DNAH9: variants seen among roughly 807,000 people sequenced by gnomAD.
DNAH9 encodes dynein axonemal heavy chain 9, also known as DNAH9 variant protein.
A neutral mutation model predicts 471.6 loss-of-function variants in DNAH9; 345 were observed. The observed-to-expected ratio is 0.73, with a 90% confidence interval of 0.67 to 0.80. The LOEUF (loss-of-function observed/expected upper bound fraction) is 0.80. Among genes scored for constraint, DNAH9 ranks in the 30% least tolerant of loss-of-function variants. The pLI is 0.00. For synonymous variants in DNAH9, 2,093 were observed against 2,123.6 expected, an observed-to-expected ratio of 0.99 and a Z score of 0.40; for missense variants, 5,407 against 5,609.2, an observed-to-expected ratio of 0.96 and a Z score of 1.15.
chr17:11,869,280 C>A (rs751373207), intron 51 of DNAH9, 27 bp downstream of exon 51: 1 of 1,609,494 alleles, frequency 6.2e-7, no homozygotes, highest in Admixed American at 1.7e-5. Context: ...GCAGCCCGAG[C>A]TGTAATTATA....
intron 7 of DNAH9, among the ~76,000 whole-genome samples, chr17:11,630,866 G>A (rs1341269634): frequency 1.3e-5 from 2 of 152,174 alleles, no homozygotes; most frequent in African/African-American, 4.8e-5. Flanking sequence ...ATTTCACAGT[G>A]TATACATGTA....
chr17:11,724,344 C>T (rs2075116009), intron 27 of DNAH9, among the ~76,000 whole-genome samples: 2 of 152,264 alleles, frequency 1.3e-5, no homozygotes, highest in South Asian at 4.1e-4. Context: ...TTTTCTCCTT[C>T]CCAGCCTCTG....
intron 7 of DNAH9, 48 bp downstream of exon 7, chr17:11,629,632 GC>G: frequency 6.4e-7 from 1 of 1,563,380 alleles, no homozygotes. Flanking sequence ...TGTCCCGGAT[GC>G]CTCTCATCTG....
chr17:11,796,002 C>T (rs1969224898), intron 42 of DNAH9, among the ~76,000 whole-genome samples: 1 of 152,200 alleles, frequency 6.6e-6, no homozygotes, highest in South Asian at 2.1e-4. Flanking sequence ...TTCTCTGATT[C>T]ATGGCCCTGT....
chr17:11,904,657 AGAAT>A (rs1973527196), intron 60 of DNAH9, among the ~76,000 whole-genome samples: 1 of 149,490 alleles, frequency 6.7e-6, no homozygotes, highest in East Asian at 2.0e-4. Context: ...AAAAAAAAAA[AGAAT>A]GGGGAAGGAA....
chr17:11,904,397 G>A (rs186602344), intron 60 of DNAH9, among the ~76,000 whole-genome samples: 3 of 152,134 alleles, frequency 2.0e-5, no homozygotes, highest in Admixed American at 6.5e-5. Context: ...TTGTCAGGCC[G>A]AGGCAGGAGG....
chr17:11,686,345 G>A (rs2074241833), intron 19 of DNAH9, among the ~76,000 whole-genome samples: 1 of 151,976 alleles, frequency 6.6e-6, no homozygotes, highest in African/African-American at 2.4e-5. Flanking sequence ...AAGCTTTCCA[G>A]GCATTTCTCT....
chr17:11,730,851 G>A (rs895870134), intron 28 of DNAH9, among the ~76,000 whole-genome samples: 8 of 152,024 alleles, frequency 5.3e-5, no homozygotes, highest in Non-Finnish European at 8.8e-5. Flanking sequence ...TGATGATGGC[G>A]GTGGTAGTGG....
At chr17:11,917,755 C>T (rs994325297) in intron 61 of DNAH9, among the ~76,000 whole-genome samples, 2 of 152,156 alleles carry the variant, frequency 1.3e-5, no homozygotes, top group East Asian at 1.9e-4. Flanking sequence ...CATTGCATGG[C>T]GTTACGATGA....
Position 11,769,155 on chromosome 17 carries a change from G to A in DNAH9, c.7378G>A (p.Val2460Met). The A allele has an allele frequency of 6.2e-7, 1 of 1,614,250 alleles. No homozygotes were observed. Among genetic ancestry groups the A allele is most frequent in the Non-Finnish European group, 8.5e-7 (1 of 1,180,038 alleles). ...CLVHTSETIR[V>M]CYFMERLMAR... is the part of the protein sequence containing the mutation. ...GGTGCACACGAGTGAGACCATCCGTGTGTGCTACTTCATGGAGCGGTTGAT... is the reference window on the plus strand; with the variant it reads ...GGTGCACACGAGTGAGACCATCCGTATGTGCTACTTCATGGAGCGGTTGAT... The change falls in exon 38 of 69, where the codon GTG (valine) becomes ATG (methionine). Residue 2460 changes from valine to methionine, a missense_variant. Val to Met is a conservative substitution (Grantham distance 21). This residue lies in a region of DNAH9 where 4,636 missense variants were observed against 4,900.3 expected (regional missense o/e 0.95). Coordinates refer to ENST00000262442, the MANE Select transcript of DNAH9 (RefSeq NM_001372.4).
At chr17:11,964,906 C>T (rs929728265) in intron 68 of DNAH9, among the ~76,000 whole-genome samples, 2 of 152,110 alleles carry the variant, frequency 1.3e-5, no homozygotes, top group African/African-American at 2.4e-5. Context: ...ATTCCCTGGA[C>T]TCACAAGTCT....
At chr17:11,744,439 C>T (rs1044164777) in intron 30 of DNAH9, among the ~76,000 whole-genome samples, 12 of 152,178 alleles carry the variant, frequency 7.9e-5, no homozygotes, top group Non-Finnish European at 1.0e-4. Context: ...GTAAGCTCAG[C>T]GTCTACCATC....
chr17:11,835,843 G>A (rs1445098691), intron 49 of DNAH9, among the ~76,000 whole-genome samples: 2 of 152,120 alleles, frequency 1.3e-5, no homozygotes, highest in Non-Finnish European at 2.9e-5. Flanking sequence ...CATGCAAGTG[G>A]CTCACATCTG....
At chr17:11,938,779 T>G (rs772268106) in intron 66 of DNAH9, among the ~76,000 whole-genome samples, 1 of 152,088 alleles carries the variant, frequency 6.6e-6, no homozygotes, top group Non-Finnish European at 1.5e-5. Flanking sequence ...TTTAACTTTT[T>G]GTAGAGACAG....
chr17:11,680,045 T>C, intron 18 of DNAH9, 66 bp downstream of exon 18: 1 of 1,270,730 alleles, frequency 7.9e-7, no homozygotes, highest in Non-Finnish European at 1.1e-6. Flanking sequence ...CAGAATGGGG[T>C]AAAGTGGGGT....
chr17:11,845,389 T>C (rs1365657030), intron 49 of DNAH9, among the ~76,000 whole-genome samples: 4 of 150,492 alleles, frequency 2.7e-5, no homozygotes, highest in Non-Finnish European at 5.9e-5. Flanking sequence ...CCACATTTTC[T>C]TAATCCAGTC....
chr17:11,807,001 A>G (rs1969711862), intron 43 of DNAH9, among the ~76,000 whole-genome samples: 1 of 152,098 alleles, frequency 6.6e-6, no homozygotes, highest in Non-Finnish European at 1.5e-5. Flanking sequence ...TCCTCTGAAG[A>G]AGATGAGGTC....
chr17:11,897,545 T>G (rs1471955237), intron 59 of DNAH9, among the ~76,000 whole-genome samples: 1 of 152,182 alleles, frequency 6.6e-6, no homozygotes, highest in African/African-American at 2.4e-5. Flanking sequence ...TCTGATGCTT[T>G]TACGGAAAAT....
At chr17:11,692,059 C>A (rs2074342416) in intron 20 of DNAH9, among the ~76,000 whole-genome samples, 2 of 10,074 alleles carry the variant, frequency 2.0e-4, no homozygotes, top group Non-Finnish European at 1.1e-3. Flanking sequence ...GCCTCAGCCT[C>A]CCAAAGTGCT....
Sources: allele counts gnomAD v4.1 joint callset (sites outside exome capture counted in the v4.1 genomes callset), GRCh38; gene constraint gnomAD v4.1.1; regional missense constraint gnomAD v4.1.1; transcripts MANE v1.5; gene names NCBI Gene and HGNC (gene_info 2026-07-23, HGNC 2026-07-21).